PHACTR1: variants seen among roughly 807,000 people sequenced by gnomAD.
PHACTR1 encodes the protein phosphatase and actin regulator 1, also known as RPEL repeat containing 1.
Under a neutral mutation model 69.2 loss-of-function variants are expected in PHACTR1, and 16 were observed. The ratio of observed to expected loss-of-function variants is 0.23; its 90% CI spans 0.16 to 0.35. PHACTR1 has a LOEUF of 0.35. PHACTR1 is among the 10% of genes least tolerant of loss of function. The pLI, the probability that PHACTR1 is intolerant of heterozygous loss-of-function variation, is 1.00. For synonymous variants in PHACTR1, 312 were observed against 284.5 expected (o/e 1.10, Z -0.97); for missense variants, 510 against 734.7 (o/e 0.69, Z 3.54).
chr6:12,793,566 C>A (rs987493158), intron 4 of PHACTR1, among the ~76,000 whole-genome samples: 8 of 152,126 alleles, frequency 5.3e-5, no homozygotes, highest in African/African-American at 1.7e-4. Context: ...TTGGAAGATA[C>A]CTAGTGCTGT....
At chr6:13,093,467 A>G (rs1202221159) in intron 5 of PHACTR1, among the ~76,000 whole-genome samples, 1 of 152,208 alleles carries the variant, frequency 6.6e-6, no homozygotes, top group East Asian at 1.9e-4. Flanking sequence ...CATTCTCCTT[A>G]TCACAGTTAT....
intron 5 of PHACTR1, among the ~76,000 whole-genome samples, chr6:13,101,701 C>T (rs1018684349): frequency 2.0e-5 from 3 of 152,146 alleles, no homozygotes; most frequent in African/African-American, 4.8e-5. Flanking sequence ...ACAAGCAGCA[C>T]GTGGGCTGAC....
chr6:12,834,197 T>C (rs1194489805), intron 4 of PHACTR1, among the ~76,000 whole-genome samples: 3 of 152,192 alleles, frequency 2.0e-5, no homozygotes, highest in African/African-American at 7.2e-5. Flanking sequence ...TGCGTATCAC[T>C]AGAACAATGT....
chr6:13,094,533 G>A (rs1240500704), intron 5 of PHACTR1, among the ~76,000 whole-genome samples: 1 of 152,036 alleles, frequency 6.6e-6, no homozygotes, highest in Non-Finnish European at 1.5e-5. Context: ...CTGACCTCAG[G>A]TGATCTGCCT....
intron 10 of PHACTR1, among the ~76,000 whole-genome samples, chr6:13,249,110 G>A (rs550580541): frequency 1.4e-4 from 22 of 152,238 alleles, no homozygotes; most frequent in Non-Finnish European, 2.6e-4. Context: ...GGCCATGCTC[G>A]TGTAGGGGTG....
intron 4 of PHACTR1, among the ~76,000 whole-genome samples, chr6:12,805,488 C>T (rs1280470041): frequency 6.6e-6 from 1 of 152,190 alleles, no homozygotes; most frequent in East Asian, 1.9e-4. Flanking sequence ...CCATCTCTGA[C>T]GTCTGCCCCA....
rs1453200351 is a variant in PHACTR1, at chr6:13,208,001, G to GTGTT, written c.986+1866_986+1869dup. Among the ~76,000 whole-genome samples, 3 of 152,102 alleles carry GTGTT rather than the reference G, an allele frequency of 2.0e-5. No homozygotes were observed. In the East Asian group the frequency reaches 5.8e-4, roughly 29 times the overall value. Reference sequence around the variant, plus strand: ...CTAGGAATTCTGACTTGATTGTTTGGTGTTAACACCTGCCCTTGCTGCAAA... The same window carrying GTGTT: ...CTAGGAATTCTGACTTGATTGTTTGGTGTTTGTTAACACCTGCCCTTGCTGCAAA... On this transcript the variant is annotated intron_variant, in intron 8 of 14. Coordinates refer to ENST00000332995, the MANE Select transcript of PHACTR1 (RefSeq NM_030948.6).
intron 10 of PHACTR1, among the ~76,000 whole-genome samples, chr6:13,255,633 C>T (rs1359691608): frequency 6.6e-6 from 1 of 152,174 alleles, no homozygotes; most frequent in Non-Finnish European, 1.5e-5. Context: ...AGATATCAGC[C>T]AAAAGAAAGG....
At chr6:12,755,709 A>G (rs1438010953) in intron 4 of PHACTR1, among the ~76,000 whole-genome samples, 2 of 152,192 alleles carry the variant, frequency 1.3e-5, no homozygotes, top group Admixed American at 6.5e-5. Flanking sequence ...AATTTTAGCA[A>G]TAAATGGAGA....
intron 4 of PHACTR1, among the ~76,000 whole-genome samples, chr6:12,849,501 A>T (rs1779623359): frequency 6.6e-6 from 1 of 152,170 alleles, no homozygotes; most frequent in Non-Finnish European, 1.5e-5. Context: ...AATAGTCTAG[A>T]TAGCACACAG....
chr6:12,937,882 C>T (rs1182123498), intron 4 of PHACTR1, among the ~76,000 whole-genome samples: 2 of 152,182 alleles, frequency 1.3e-5, no homozygotes, highest in Non-Finnish European at 2.9e-5. Context: ...ATGCTGATCA[C>T]TTGAGGTCAG....
chr6:13,247,929 A>G (rs1420695511), intron 10 of PHACTR1, among the ~76,000 whole-genome samples: 2 of 152,206 alleles, frequency 1.3e-5, no homozygotes, highest in African/African-American at 4.8e-5. Context: ...ATTTGGTTCA[A>G]CCAATGAATC....
intron 4 of PHACTR1, among the ~76,000 whole-genome samples, chr6:12,965,342 C>T (rs1793310684): frequency 6.6e-6 from 1 of 151,918 alleles, no homozygotes; most frequent in African/African-American, 2.4e-5. Context: ...CATTCACAGA[C>T]ATGTGCAGAG....
chr6:13,155,345 C>T (rs1228437739), intron 5 of PHACTR1, among the ~76,000 whole-genome samples: 2 of 152,202 alleles, frequency 1.3e-5, no homozygotes, highest in Non-Finnish European at 2.9e-5. Context: ...TCCACTATCT[C>T]ATCTCACTGC....
chr6:12,754,793 T>C (rs910299169), intron 4 of PHACTR1, among the ~76,000 whole-genome samples: 2 of 152,252 alleles, frequency 1.3e-5, no homozygotes, highest in African/African-American at 4.8e-5. Flanking sequence ...AGTTATTTCA[T>C]TATTTCCTAA....
chr6:13,230,208 C>G lies in PHACTR1; in HGVS notation c.1391+15C>G, dbSNP rs377684047. ...AAGCTCACCAGGTAGGACAGCGGCA[C>G]CCTCTGCCTCCCTGGCAGTGGGCCT... On this transcript the variant is annotated intron_variant, in intron 10 of 14. Transcript: ENST00000332995. 1 of 1,599,426 alleles carries G rather than the reference C, an allele frequency of 6.3e-7. No homozygotes were observed.
chr6:13,257,909 T>C (rs1192913627), intron 10 of PHACTR1, among the ~76,000 whole-genome samples: 2 of 152,182 alleles, frequency 1.3e-5, no homozygotes, highest in East Asian at 3.8e-4. Flanking sequence ...TCAGACCTTC[T>C]GATTCAGTAG....
rs368795002 is a variant in PHACTR1, at chr6:12,852,515, CT to C, written c.250+102726del. On this transcript the variant is annotated intron_variant, in intron 4 of 14. Coordinates refer to ENST00000332995, the MANE Select transcript of PHACTR1 (RefSeq NM_030948.6). Reference sequence around the variant, plus strand: ...AGCAAGACAGCTCACTTTCCTGGGACTCCGTTTCTTTCACCTGTCAAACAAC... The same window carrying C: ...AGCAAGACAGCTCACTTTCCTGGGACCCGTTTCTTTCACCTGTCAAACAAC... Among the ~76,000 whole-genome samples the C allele has an allele frequency of 1.8e-4, 27 of 152,274 alleles. 1 individual carries two copies. In the South Asian group the frequency reaches 2.3e-3, roughly 13 times the overall value.
chr6:12,971,533 A>T (rs1361024135), intron 4 of PHACTR1, among the ~76,000 whole-genome samples: 1 of 152,258 alleles, frequency 6.6e-6, no homozygotes, highest in Non-Finnish European at 1.5e-5. Flanking sequence ...ATATTGTATG[A>T]GTCCATGTAT....
Sources: allele counts gnomAD v4.1 joint callset (sites outside exome capture counted in the v4.1 genomes callset), GRCh38; gene constraint gnomAD v4.1.1; transcripts MANE v1.5; gene names NCBI Gene and HGNC (gene_info 2026-07-23, HGNC 2026-07-21).